The following TRIP11 variants were observed in gnomAD, a reference collection of about 807,000 sequenced individuals.
TRIP11 encodes the protein thyroid hormone receptor interactor 11, also known as thyroid receptor-interacting protein 11.
TRIP11 carries 148 observed loss-of-function variants against 223.1 expected under a neutral mutation model. That is an observed-to-expected ratio of 0.66 (90% CI 0.58 to 0.76). The LOEUF (loss-of-function observed/expected upper bound fraction) is 0.76, where lower values mean the gene tolerates loss of function less well. Among genes scored for constraint, TRIP11 ranks in the 30% least tolerant of loss-of-function variants. TRIP11 has a pLI of 0.00. For synonymous variants in TRIP11, 762 were observed against 772.6 expected, an observed-to-expected ratio of 0.99 and a Z score of 0.23; for missense variants, 2,043 against 2,222.0, an observed-to-expected ratio of 0.92 and a Z score of 1.62.
intron 16 of TRIP11, among the ~76,000 whole-genome samples, chr14:91,981,273 C>T (rs975673248): frequency 1.3e-5 from 2 of 151,486 alleles, no homozygotes; most frequent in Non-Finnish European, 2.9e-5. Flanking sequence ...ACCTCAGCCT[C>T]CCAAAGTGCT....
rs775382943 is a variant in TRIP11 at position 91,968,974 on chromosome 14, G to A, written c.*699C>T. 4.4e-5 allele frequency: 10 copies of A among 226,094 alleles called. No homozygotes were observed. Among genetic ancestry groups the A allele is most frequent in the African/African-American group, 6.7e-5 (3 of 44,934 alleles). 14.0% of individuals were successfully genotyped at this position (226,094 alleles called of 1,614,324 possible). ...CATGAATTTACACACAGGGCCAGGC[G>A]CAGTGGCTCATGCCTTAATCCCAGC... is the stretch of plus-strand genomic sequence containing the variant. On this transcript the variant is annotated 3_prime_UTR_variant, in exon 21 of 21. Coordinates refer to ENST00000267622, the MANE Select transcript of TRIP11 (RefSeq NM_004239.4).
Position 91,968,198 on chromosome 14 carries a change from C to T in TRIP11, c.*1475G>A, listed in dbSNP as rs1172634944. The T allele has an allele frequency of 1.0e-5, 2 of 199,092 alleles. No homozygotes were observed. The highest frequency in any genetic ancestry group is 2.1e-5 in the Non-Finnish European group (2 of 96,530). 12.3% of individuals were successfully genotyped at this position (199,092 alleles called of 1,614,324 possible). A position where few individuals can be genotyped will look rare whatever the true frequency, so the allele number is the denominator to read the frequency against. On this transcript the variant is annotated 3_prime_UTR_variant, in exon 21 of 21. Transcript: ENST00000267622. ...TTGAATTTGTTTTATTTTCATCCTT[C>T]CTTGTTATACAAATGTTTCTATTTT... is the stretch of plus-strand genomic sequence containing the variant.
In TRIP11 at chr14:92,018,898, T is replaced by C. The variant is rs1361248861; in HGVS notation, c.589-1148A>G. On this transcript the variant is annotated intron_variant, in intron 4 of 20. Transcript: ENST00000267622. Reference sequence around the variant, plus strand: ...ATTGCTTGAACCTGGGAGGCAGAGGTTGCAGTGAGCCGAGATCCCACCACT... The same window carrying C: ...ATTGCTTGAACCTGGGAGGCAGAGGCTGCAGTGAGCCGAGATCCCACCACT... Among the ~76,000 whole-genome samples, 4 of 142,266 alleles carry C rather than the reference T, an allele frequency of 2.8e-5. No homozygotes were observed. In the East Asian group the frequency reaches 8.1e-4, roughly 29 times the overall value. The allele number at this position is 142,266 out of a possible 152,430, so 93.3% of individuals were successfully genotyped here. A position where few individuals can be genotyped will look rare whatever the true frequency, so the allele number is the denominator to read the frequency against.
chr14:92,006,407 A>G lies in TRIP11; in HGVS notation c.1569T>C (p.Asn523=). 6.2e-7 allele frequency: 1 copy of G among 1,613,042 alleles called. No homozygotes were observed. The highest frequency in any genetic ancestry group is 8.5e-7 in the Non-Finnish European group (1 of 1,179,740). ...LIKDQLSKQQ[N]EGDSIISKLK... ...GTTTACTGATGATGCTATCTCCTTC[A>G]TTTTGTTGTTTTGATAGCTGATCTT... is the stretch of plus-strand genomic sequence containing the variant. Residue 523 remains asparagine (N), a synonymous_variant, in exon 11 of 21, where the codon AAT becomes AAC. Transcript: ENST00000267622.
intron 14 of TRIP11, among the ~76,000 whole-genome samples, chr14:91,994,258 C>CTTTTTT (rs539125037): frequency 7.8e-6 from 1 of 127,448 alleles, no homozygotes; most frequent in Non-Finnish European, 1.6e-5. Context: ...ACCTCAAAAA[C>CTTTTTT]TTTTTTTTTT....
chr14:92,009,818 G>A (rs2056949350), intron 9 of TRIP11, among the ~76,000 whole-genome samples: 2 of 152,116 alleles, frequency 1.3e-5, no homozygotes, highest in Non-Finnish European at 2.9e-5. Context: ...ATTTTTTAAA[G>A]CTACTGATAC....
At position 92,005,183 on chromosome 14, in the gene TRIP11, C is replaced by T; in HGVS notation, c.2793G>A (p.Gln931=). ...TTTCCTTCTTTTGCTCTTGTAAAGA[C>T]TGAAGTAGTTGCATCTTACTCTGGT... ...DQNQSKMQLL[Q]SLQEQKKEMD... Residue 931 remains glutamine (Q), a synonymous_variant, in exon 11 of 21, where the codon CAG becomes CAA. Transcript: ENST00000267622. 1 of 1,614,000 alleles carries T rather than the reference C, an allele frequency of 6.2e-7. No individual in the cohort carries two copies.
intron 15 of TRIP11, among the ~76,000 whole-genome samples, chr14:91,990,690 A>G (rs1438491038): frequency 6.6e-6 from 1 of 152,178 alleles, no homozygotes; most frequent in East Asian, 1.9e-4. Context: ...AAAATAAGAA[A>G]AAAATGCCAG....
chr14:92,036,726 C>CTCTG (rs1365506610), intron 1 of TRIP11, among the ~76,000 whole-genome samples: 8 of 152,156 alleles, frequency 5.3e-5, no homozygotes, highest in African/African-American at 1.4e-4. Flanking sequence ...AAGAACTGTA[C>CTCTG]TCTGACCCTC....
At chr14:91,983,559 T>C (rs1476390451) in intron 16 of TRIP11, among the ~76,000 whole-genome samples, 2 of 152,258 alleles carry the variant, frequency 1.3e-5, no homozygotes, top group Non-Finnish European at 2.9e-5. Flanking sequence ...TACAGTTCAG[T>C]TGAAAAAGGT....
chr14:92,034,891 C>G (rs1566877465), intron 1 of TRIP11, among the ~76,000 whole-genome samples: 1 of 152,174 alleles, frequency 6.6e-6, no homozygotes, highest in Admixed American at 6.5e-5. Flanking sequence ...CACTCAGCCT[C>G]CCAAAGTGCT....
intron 2 of TRIP11, among the ~76,000 whole-genome samples, chr14:92,025,768 T>C (rs1325349236): frequency 6.6e-6 from 1 of 151,512 alleles, no homozygotes; most frequent in Non-Finnish European, 1.5e-5. Flanking sequence ...TAATCCCAGC[T>C]ACTCGCGAGG....
rs990333332 is a variant in TRIP11, at chr14:92,005,430, T to C, written c.2546A>G (p.Glu849Gly). The C allele has an allele frequency of 2.5e-6, 4 of 1,614,008 alleles. No homozygotes were observed. In the African/African-American group the frequency reaches 4.0e-5, roughly 16 times the overall value. Residue 849 changes from glutamate (E) to glycine (G), a missense_variant, in exon 11 of 21, where the codon GAG becomes GGG. Physicochemically the swap from Glu to Gly is moderately conservative, Grantham distance 98. Transcript: ENST00000267622. ...GGATCCAAGACTTCGGTCTTTTTCCTCTATGGTCTGTCTTAAAATTTCATT... is the reference window on the plus strand; with the variant it reads ...GGATCCAAGACTTCGGTCTTTTTCCCCTATGGTCTGTCTTAAAATTTCATT... ...RKNEILRQTI[E>G]EKDRSLGSMK...
Position 91,968,735 on chromosome 14 carries a change from T to C in TRIP11, c.*938A>G, listed in dbSNP as rs759610969. On this transcript the variant is annotated 3_prime_UTR_variant, in exon 21 of 21. Coordinates refer to ENST00000267622, the MANE Select transcript of TRIP11 (RefSeq NM_004239.4). ...CCTTGGATGGATCTCAAGGGAATTATGCTGAGTGAAAAAAAGCCAGTCTCA... is the reference window on the plus strand; with the variant it reads ...CCTTGGATGGATCTCAAGGGAATTACGCTGAGTGAAAAAAAGCCAGTCTCA... The C allele has an allele frequency of 5.3e-5, 12 of 228,362 alleles. No individual in the cohort carries two copies. Among genetic ancestry groups the C allele is most frequent in the Non-Finnish European group, 8.7e-5 (10 of 114,338 alleles). The allele number at this position is 228,362 out of a possible 1,614,324, so 14.1% of individuals were successfully genotyped here.
chr14:92,007,958 T>C, intron 9 of TRIP11, 106 bp from the exon 10 acceptor site: 1 of 810,332 alleles, frequency 1.2e-6, no homozygotes, highest in Non-Finnish European at 2.0e-6. Context: ...AAGTGCTCTA[T>C]ATTGGAAATA....
chr14:92,028,177 G>A (rs1163217028), intron 2 of TRIP11, among the ~76,000 whole-genome samples: 4 of 152,190 alleles, frequency 2.6e-5, no homozygotes, highest in Admixed American at 1.3e-4. Context: ...ATTTAACTCT[G>A]ATTAATAAAT....
chr14:91,972,154 C>G (rs1385385759), intron 20 of TRIP11, among the ~76,000 whole-genome samples: 1 of 152,196 alleles, frequency 6.6e-6, no homozygotes, highest in Admixed American at 6.5e-5. Flanking sequence ...ACGTTAACCA[C>G]CACCAACCGT....
rs149954353 is a variant in TRIP11, at chr14:92,015,696, C to T, written c.823G>A (p.Gly275Ser). ...IEELENLLQQGGSGVIETDLS... is the reference protein window; with the variant it reads ...IEELENLLQQSGSGVIETDLS... ...ATAATAAAGAAATAAAACTAATAACCTTGTTGTAACAGATTTTCAAGTTCT... is the reference window on the plus strand; with the variant it reads ...ATAATAAAGAAATAAAACTAATAACTTTGTTGTAACAGATTTTCAAGTTCT... The change falls in exon 6 of 21, where the codon GGT (glycine) becomes AGT (serine). Residue 275 changes from glycine (G) to serine (S), a missense_variant and splice_region_variant. By Grantham distance (56) the Gly-to-Ser change is moderately conservative. Coordinates refer to ENST00000267622, the MANE Select transcript of TRIP11 (RefSeq NM_004239.4). The T allele has an allele frequency of 4.2e-5, 67 of 1,605,720 alleles. No homozygotes were observed. Among genetic ancestry groups the T allele is most frequent in the Non-Finnish European group, 5.6e-5 (66 of 1,176,278 alleles).
chr14:92,004,370 A>C lies in TRIP11; in HGVS notation c.3606T>G (p.Asn1202Lys), dbSNP rs2140116909. 1 of 1,614,026 alleles carries C rather than the reference A, an allele frequency of 6.2e-7. No homozygotes were observed. The change falls in exon 11 of 21, where the codon AAT becomes AAG. Residue 1202 changes from asparagine to lysine, a missense_variant. Coordinates refer to ENST00000267622, the MANE Select transcript of TRIP11 (RefSeq NM_004239.4). Reference sequence around the variant, plus strand: ...GTTCCTGTAGAAGCTCCTCAAATTGATTACTATTAACACCTCCAGCCTCAT... The same window carrying C: ...GTTCCTGTAGAAGCTCCTCAAATTGCTTACTATTAACACCTCCAGCCTCAT... ...TGNEAGGVNSNQFEELLQERD... is the reference protein window; with the variant it reads ...TGNEAGGVNSKQFEELLQERD...
Sources: gnomAD v4.1 joint callset for allele counts (sites outside exome capture counted in the v4.1 genomes callset) on GRCh38, gnomAD v4.1.1 for gene constraint, MANE v1.5 for transcripts, NCBI Gene and HGNC (gene_info 2026-07-23, HGNC 2026-07-21) for gene names.